The following SLC10A7 variants were observed in gnomAD, a reference collection of about 807,000 sequenced individuals.
SLC10A7 encodes the protein sodium/bile acid cotransporter 7.
SLC10A7 carries 29 observed loss-of-function variants against 43.2 expected under a neutral mutation model. That is an observed-to-expected ratio of 0.67 (90% CI 0.50 to 0.92). The LOEUF (loss-of-function observed/expected upper bound fraction) is 0.92, where lower values mean the gene tolerates loss of function less well. Ranked by LOEUF, SLC10A7 falls within the 40% of genes least tolerant of loss-of-function variation. SLC10A7 has a pLI of 0.00. For missense variants in SLC10A7, 295 were observed against 403.2 expected (o/e 0.73, Z 2.30); for synonymous variants, 152 against 144.8 (o/e 1.05, Z -0.35).
chr4:146,518,410 C>A (rs1738217048), intron 1 of SLC10A7, among the ~76,000 whole-genome samples: 1 of 152,008 alleles, frequency 6.6e-6, no homozygotes, highest in Non-Finnish European at 1.5e-5. Flanking sequence ...CATAGAACAG[C>A]CCCTCCAACA....
At chr4:146,296,178 C>T (rs1223640821) in intron 7 of SLC10A7, among the ~76,000 whole-genome samples, 2 of 152,152 alleles carry the variant, frequency 1.3e-5, no homozygotes, top group African/African-American at 4.8e-5. Context: ...CTCCTGTGCA[C>T]TTTAAATCAT....
intron 4 of SLC10A7, among the ~76,000 whole-genome samples, chr4:146,492,964 C>CT (rs1269375648): frequency 2.0e-5 from 3 of 152,130 alleles, no homozygotes; most frequent in African/African-American, 7.2e-5. Flanking sequence ...CCAAAAGAAG[C>CT]AGCTAAGTCT....
intron 4 of SLC10A7, among the ~76,000 whole-genome samples, chr4:146,500,831 C>T (rs1374967625): frequency 1.3e-5 from 2 of 152,168 alleles, no homozygotes; most frequent in Non-Finnish European, 1.5e-5. Context: ...GCTTTTATCC[C>T]AATGCTCCAC....
intron 5 of SLC10A7, among the ~76,000 whole-genome samples, chr4:146,387,041 C>A (rs1738056051): frequency 6.6e-6 from 1 of 152,196 alleles, no homozygotes; most frequent in Admixed American, 6.5e-5. Context: ...GACCTTTTAG[C>A]AACTTTCTTT....
intron 4 of SLC10A7, among the ~76,000 whole-genome samples, chr4:146,458,185 T>G (rs1318913931): frequency 1.3e-5 from 2 of 151,582 alleles, no homozygotes; most frequent in Non-Finnish European, 3.0e-5. Context: ...TAAGAATCAA[T>G]CAAAGCAATT....
chr4:146,285,954 G>C (rs1161416474), intron 9 of SLC10A7, among the ~76,000 whole-genome samples: 1 of 151,410 alleles, frequency 6.6e-6, no homozygotes, highest in Non-Finnish European at 1.5e-5. Context: ...TTTGAGTGGT[G>C]AGAAGGACTG....
chr4:146,351,286 T>G (rs1014030631), intron 5 of SLC10A7, among the ~76,000 whole-genome samples: 2 of 149,764 alleles, frequency 1.3e-5, no homozygotes, highest in African/African-American at 2.5e-5. Context: ...GTATCAGCAA[T>G]GGAAGATGAA....
intron 5 of SLC10A7, among the ~76,000 whole-genome samples, chr4:146,370,063 A>G (rs1192373558): frequency 6.6e-6 from 1 of 152,198 alleles, no homozygotes; most frequent in Non-Finnish European, 1.5e-5. Flanking sequence ...AAAAAAATCA[A>G]TTAAAATAAA....
Position 146,254,840 on chromosome 4 carries a change from C to G in SLC10A7, c.*1651G>C, listed in dbSNP as rs1727812406. Reference sequence around the variant, plus strand: ...AGCAAAATTACTGTAGTTTTAGACACAAGTAAAATTCTTTATAACAGTGTG... The same window carrying G: ...AGCAAAATTACTGTAGTTTTAGACAGAAGTAAAATTCTTTATAACAGTGTG... On this transcript the variant is annotated 3_prime_UTR_variant, in exon 12 of 12. Coordinates refer to ENST00000335472, the MANE Select transcript of SLC10A7 (RefSeq NM_001029998.6). 6.6e-6 allele frequency: 1 copy of G among 152,142 alleles called. No individual in the cohort carries two copies. Among genetic ancestry groups the G allele is most frequent in the Non-Finnish European group, 1.5e-5 (1 of 68,034 alleles). 9.4% of individuals were successfully genotyped at this position (152,142 alleles called of 1,614,324 possible). A position where few individuals can be genotyped will look rare whatever the true frequency, so the allele number is the denominator to read the frequency against.
intron 4 of SLC10A7, among the ~76,000 whole-genome samples, chr4:146,495,145 C>T (rs1434663630): frequency 6.6e-6 from 1 of 152,134 alleles, no homozygotes; most frequent in Non-Finnish European, 1.5e-5. Flanking sequence ...AGTCTGGAGG[C>T]TAAAAAATAT....
chr4:146,392,147 C>T (rs976646857), intron 5 of SLC10A7, among the ~76,000 whole-genome samples: 2 of 152,140 alleles, frequency 1.3e-5, no homozygotes, highest in Non-Finnish European at 2.9e-5. Flanking sequence ...TTCATCATGA[C>T]ATGCAAAAGA....
intron 4 of SLC10A7, among the ~76,000 whole-genome samples, chr4:146,445,848 T>C (rs1319350187): frequency 2.0e-5 from 3 of 151,902 alleles, no homozygotes; most frequent in African/African-American, 7.3e-5. Flanking sequence ...CAGCCTCTTC[T>C]CCTCTGGTTG....
intron 5 of SLC10A7, among the ~76,000 whole-genome samples, chr4:146,428,087 G>C (rs1266104373): frequency 1.3e-5 from 2 of 152,114 alleles, no homozygotes; most frequent in African/African-American, 4.8e-5. Flanking sequence ...TGAGGTGAGA[G>C]GATAGCTTGA....
chr4:146,256,962 G>T lies in SLC10A7; in HGVS notation c.994-442C>A, dbSNP rs6854462. ...CTACACAAAGGAAAAATGAACAACA[G>T]TGTACAATTTAGTCTCCCTTTTGGA... On this transcript the variant is annotated intron_variant, in intron 11 of 11. Transcript: ENST00000335472. 6,558 of 1,459,066 alleles carry T rather than the reference G, an allele frequency of 4.5e-3. 229 individuals carry two copies. The African/African-American group carries it at 0.079, about 18-fold the overall frequency. 90.4% of individuals were successfully genotyped at this position (1,459,066 alleles called of 1,614,324 possible).
intron 5 of SLC10A7, among the ~76,000 whole-genome samples, chr4:146,367,034 T>C (rs1157601701): frequency 6.6e-6 from 1 of 152,138 alleles, no homozygotes; most frequent in African/African-American, 2.4e-5. Context: ...TTTTTGCCAT[T>C]CATCATGGTT....
At chr4:146,418,134 C>A (rs1336787458) in intron 5 of SLC10A7, among the ~76,000 whole-genome samples, 1 of 152,152 alleles carries the variant, frequency 6.6e-6, no homozygotes, top group Non-Finnish European at 1.5e-5. Flanking sequence ...GGGACTGTCA[C>A]AAAGATTTAG....
At chr4:146,321,443 C>T (rs987260513) in intron 6 of SLC10A7, among the ~76,000 whole-genome samples, 2 of 152,040 alleles carry the variant, frequency 1.3e-5, no homozygotes, top group African/African-American at 4.8e-5. Flanking sequence ...TCCAGTATGT[C>T]CTCATCTTAA....
chr4:146,305,261 T>A (rs1358918153), intron 7 of SLC10A7, among the ~76,000 whole-genome samples: 2 of 151,378 alleles, frequency 1.3e-5, no homozygotes, highest in Non-Finnish European at 2.9e-5. Flanking sequence ...AATGATGAGT[T>A]CATGTCCTTT....
At chr4:146,511,137 T>C (rs1256899657) in intron 2 of SLC10A7, among the ~76,000 whole-genome samples, 1 of 152,028 alleles carries the variant, frequency 6.6e-6, no homozygotes, top group African/African-American at 2.4e-5. Context: ...TGCCTGCTTC[T>C]CCCACTGCTG....
Sources: gnomAD v4.1 joint callset for allele counts (sites outside exome capture counted in the v4.1 genomes callset) on GRCh38, gnomAD v4.1.1 for gene constraint, MANE v1.5 for transcripts, NCBI Gene and HGNC (gene_info 2026-07-23, HGNC 2026-07-21) for gene names.